The following ANK3 variants were observed in gnomAD, a reference collection of about 807,000 sequenced individuals.
The protein encoded by ANK3 is ankyrin 3.
ANK3 carries 57 observed loss-of-function variants against 370.9 expected under a neutral mutation model. The ratio of observed to expected loss-of-function variants is 0.15; its 90% CI spans 0.12 to 0.19. The LOEUF is 0.19. Among genes scored for constraint, ANK3 ranks in the 10% least tolerant of loss-of-function variants. The pLI is 1.00. For missense variants in ANK3, 4,439 were observed against 5,302.1 expected (o/e 0.84, Z 5.06); for synonymous variants, 1,929 against 1,946.3 (o/e 0.99, Z 0.23).
chr10:60,050,328 T>C (rs76324478), intron 42 of ANK3, among the ~76,000 whole-genome samples: 1 of 152,318 alleles, frequency 6.6e-6, no homozygotes, highest in Non-Finnish European at 1.5e-5. Context: ...ACTCAAAATT[T>C]AGACAACGAT....
At chr10:60,118,951 T>C (rs1047223481) in intron 25 of ANK3, among the ~76,000 whole-genome samples, 1 of 152,184 alleles carries the variant, frequency 6.6e-6, no homozygotes, top group African/African-American at 2.4e-5. Context: ...CTCTGAGTCC[T>C]TTCTTAACTT....
chr10:60,223,521 CTT>C (rs546105895), intron 8 of ANK3, among the ~76,000 whole-genome samples: 152 of 152,196 alleles, frequency 1.0e-3, no homozygotes, highest in Non-Finnish European at 1.9e-3. Flanking sequence ...GAGGAGGTAA[CTT>C]AGTACTATGT....
At chr10:60,643,232 G>A (rs1032702008) in intron 1 of ANK3, among the ~76,000 whole-genome samples, 2 of 152,142 alleles carry the variant, frequency 1.3e-5, no homozygotes, top group South Asian at 4.1e-4. Context: ...AGTGGGCTGG[G>A]AAAGGCAGAC....
intron 8 of ANK3, among the ~76,000 whole-genome samples, chr10:60,214,791 T>C (rs1041409974): frequency 1.3e-5 from 2 of 152,216 alleles, no homozygotes; most frequent in African/African-American, 4.8e-5. Flanking sequence ...TTTCATGTCT[T>C]TGCTATTGTA....
At chr10:60,042,599 T>C (rs2131866365) in intron 43 of ANK3, 73 bp downstream of exon 43, 2 of 1,381,060 alleles carry the variant, frequency 1.4e-6, no homozygotes, top group Non-Finnish European at 2.0e-6. Context: ...AAAATCAGAA[T>C]CACTTATTTA....
At chr10:60,327,947 TA>T (rs968518816) in intron 1 of ANK3, among the ~76,000 whole-genome samples, 1 of 152,142 alleles carries the variant, frequency 6.6e-6, no homozygotes, top group African/African-American at 2.4e-5. Flanking sequence ...TGTGTGTGTG[TA>T]AATGGAAGTT....
At chr10:60,272,134 C>T (rs2098000718) in intron 4 of ANK3, among the ~76,000 whole-genome samples, 1 of 147,664 alleles carries the variant, frequency 6.8e-6, no homozygotes, top group Non-Finnish European at 1.5e-5. Flanking sequence ...TGTGCATGCC[C>T]ATAGGTCCGT....
chr10:60,483,458 G>A (rs1029041877), intron 2 of ANK3, among the ~76,000 whole-genome samples: 9 of 152,118 alleles, frequency 5.9e-5, no homozygotes, highest in Middle Eastern at 6.8e-3. Flanking sequence ...AACCCTTGCC[G>A]CCCATTTTCT....
chr10:60,105,134 A>G (rs1318382870), intron 28 of ANK3, among the ~76,000 whole-genome samples: 5 of 152,172 alleles, frequency 3.3e-5, no homozygotes, highest in Non-Finnish European at 7.4e-5. Context: ...GTGATTAGGA[A>G]GTGAGTATAA....
In ANK3 at chr10:60,415,923, ACC is replaced by A. The variant is rs60397919; in HGVS notation, c.97-136286_97-136285del. On this transcript the variant is annotated intron_variant, in intron 2 of 43. Transcript: ENST00000373827. ...TGTATGGTCTGAATTTGTGCCCCCC[ACC>A]CCCCCGCCATTCATGTGTTGACATT... Among the ~76,000 whole-genome samples, 54 of 62,712 alleles carry A rather than the reference ACC, an allele frequency of 8.6e-4. 8 individuals carry two copies. The highest frequency in any genetic ancestry group is 3.4e-3 in the African/African-American group (50 of 14,896). 41.1% of individuals were successfully genotyped at this position (62,712 alleles called of 152,430 possible). A position where few individuals can be genotyped will look rare whatever the true frequency, so the allele number is the denominator to read the frequency against.
chr10:60,589,030 T>A (rs2133290079), intron 2 of ANK3, among the ~76,000 whole-genome samples: 1 of 152,322 alleles, frequency 6.6e-6, no homozygotes, highest in African/African-American at 2.4e-5. Context: ...ACATCCTGAT[T>A]GTAGCCTGAC....
At chr10:60,359,287 G>A (rs976499634) in intron 1 of ANK3, among the ~76,000 whole-genome samples, 4 of 152,078 alleles carry the variant, frequency 2.6e-5, no homozygotes, top group African/African-American at 9.7e-5. Context: ...CAATTTGATT[G>A]AGACCCTGTG....
At chr10:60,599,440 C>T (rs936882604) in intron 2 of ANK3, among the ~76,000 whole-genome samples, 1 of 152,196 alleles carries the variant, frequency 6.6e-6, no homozygotes, top group African/African-American at 2.4e-5. Context: ...ATACTTTTAA[C>T]ATTACTCACA....
At chr10:60,612,089 A>C (rs2078209101) in intron 2 of ANK3, among the ~76,000 whole-genome samples, 1 of 152,156 alleles carries the variant, frequency 6.6e-6, no homozygotes, top group African/African-American at 2.4e-5. Context: ...GAGGATATTC[A>C]ATAACAGAGA....
chr10:60,522,154 C>A (rs146171087), intron 2 of ANK3, among the ~76,000 whole-genome samples: 1 of 152,074 alleles, frequency 6.6e-6, no homozygotes, highest in Non-Finnish European at 1.5e-5. Flanking sequence ...TGCAGCTGAG[C>A]CCAGCTGAAG....
intron 2 of ANK3, among the ~76,000 whole-genome samples, chr10:60,446,182 C>A (rs145473703): frequency 6.6e-6 from 1 of 152,174 alleles, no homozygotes; most frequent in Non-Finnish European, 1.5e-5. Context: ...TTCTCAACCA[C>A]GAAGAGGTAT....
chr10:60,684,863 G>A (rs568295071), intron 1 of ANK3: 3 of 1,490,948 alleles, frequency 2.0e-6, no homozygotes, highest in South Asian at 2.3e-5. Flanking sequence ...AAAATAACTA[G>A]GTTATCAGAA....
chr10:60,318,758 T>G (rs1443240276), intron 1 of ANK3, among the ~76,000 whole-genome samples: 1 of 152,146 alleles, frequency 6.6e-6, no homozygotes, highest in African/African-American at 2.4e-5. Context: ...ACATTATCTC[T>G]TTTTTTAAAT....
rs1595304526 is a variant in ANK3 at position 60,572,740 on chromosome 10, G to A, written c.96+42446C>T. 4 of 1,361,200 alleles carry A rather than the reference G, an allele frequency of 2.9e-6. No homozygotes were observed. The African/African-American group carries it at 4.4e-5, about 15-fold the overall frequency. 84.3% of individuals were successfully genotyped at this position (1,361,200 alleles called of 1,614,324 possible). On this transcript the variant is annotated intron_variant, in intron 2 of 43. Coordinates refer to the ANK3 transcript ENST00000373827. ...GTTCAGCTTTCCTCAGGAAGAAACT[G>A]GGTGTTCTCTATATCAAACAGTCAA...
Sources: gnomAD v4.1 joint callset for allele counts (sites outside exome capture counted in the v4.1 genomes callset) on GRCh38, gnomAD v4.1.1 for gene constraint, MANE v1.5 for transcripts, NCBI Gene and HGNC (gene_info 2026-07-23, HGNC 2026-07-21) for gene names.